C11orf58: variants seen among roughly 807,000 people sequenced by gnomAD.
The protein encoded by C11orf58 is chromosome 11 open reading frame 58.
C11orf58 carries 5 observed loss-of-function variants against 22.7 expected under a neutral mutation model. The ratio of observed to expected loss-of-function variants is 0.22; its 90% CI spans 0.12 to 0.46. C11orf58 has a LOEUF of 0.46. Ranked by LOEUF, C11orf58 falls within the 20% of genes least tolerant of loss-of-function variation. The pLI is 0.99. For missense variants in C11orf58, 151 were observed against 223.3 expected (o/e 0.68, Z 2.06); for synonymous variants, 71 against 70.7 (o/e 1.00, Z -0.02).
At chr11:16,745,598 AAGG>A in intron 2 of C11orf58, among the ~76,000 whole-genome samples, 1 of 152,306 alleles carries the variant, frequency 6.6e-6, no homozygotes, top group Middle Eastern at 3.4e-3. Context: ...GTGGGCTGAA[AAGG>A]AGGGATTGTC....
chr11:16,744,614 A>G lies in C11orf58; in HGVS notation c.77A>G (p.Asn26Ser), dbSNP rs2134069635. 4 of 1,613,916 alleles carry G rather than the reference A, an allele frequency of 2.5e-6. No homozygotes were observed. Among genetic ancestry groups the G allele is most frequent in the Middle Eastern group, 1.6e-4 (1 of 6,062 alleles). Residue 26 changes from asparagine (N) to serine (S), a missense_variant, in exon 2 of 5, where the codon AAT (asparagine) becomes AGT (serine). Transcript: ENST00000228136. The part of the protein sequence containing the change: ...ASPDDDLGSS[N>S]WEAADLGNEE... ...TTTTTTTTCTAGCTGGGATCTAGCA[A>G]TTGGGAGGCAGCAGACTTGGGTAAT...
In C11orf58 at chr11:16,749,726, T is replaced by G. The variant is rs117853582; in HGVS notation, c.208+1569T>G. 600 of 152,466 alleles carry G rather than the reference T, an allele frequency of 3.9e-3. 11 individuals are homozygous for G. The East Asian group carries it at 0.047, about 12-fold the overall frequency. 9.4% of individuals were successfully genotyped at this position (152,466 alleles called of 1,614,324 possible). ...TATGAGAATCTAATGCCTGATGATCTGAATTGGAGCTGAGGTGGTAATGGG... is the reference window on the plus strand; with the variant it reads ...TATGAGAATCTAATGCCTGATGATCGGAATTGGAGCTGAGGTGGTAATGGG... On this transcript the variant is annotated intron_variant, in intron 3 of 4. Transcript: ENST00000228136.
rs933590655 is a variant in C11orf58 at position 16,738,683 on chromosome 11, C to G, written c.-96C>G. The G allele has an allele frequency of 3.6e-6, 5 of 1,373,986 alleles. No homozygotes were observed. The African/African-American group carries it at 5.7e-5, about 16-fold the overall frequency. The allele number at this position is 1,373,986 out of a possible 1,614,324, so 85.1% of individuals were successfully genotyped here. A position where few individuals can be genotyped will look rare whatever the true frequency, so the allele number is the denominator to read the frequency against. On this transcript the variant is annotated 5_prime_UTR_variant, in exon 1 of 5. Transcript: ENST00000228136. ...GGAGGGGCTCTGCGTTCTGTAGTGG[C>G]GCTGCTTGGGCCCTTGGCGGATTGT...
intron 3 of C11orf58, chr11:16,749,854 G>A (rs574188234): frequency 3.5e-4 from 53 of 152,336 alleles, no homozygotes; most frequent in African/African-American, 1.3e-3. Flanking sequence ...CTCTCAGTGA[G>A]TGGCAAGTAA....
chr11:16,754,734 T>C (rs531347944), intron 4 of C11orf58, 137 bp from the exon 5 acceptor site: 12 of 1,399,054 alleles, frequency 8.6e-6, no homozygotes, highest in Non-Finnish European at 1.1e-5. Flanking sequence ...TTCTTAAAAT[T>C]CTACTCAAGT....
At chr11:16,753,011 T>A in intron 4 of C11orf58, 117 bp downstream of exon 4, 3 of 698,240 alleles carry the variant, frequency 4.3e-6, no homozygotes, top group Non-Finnish European at 4.7e-6. Flanking sequence ...CTGTATGTAG[T>A]TATCTTAAAA....
chr11:16,755,718 T>C lies in C11orf58; in HGVS notation c.*614T>C, dbSNP rs1461742524. ...GATCCCAAGTAGTCTTTTTATAATT[T>C]GGATTGTATCGTATGTTAGATTTTT... On this transcript the variant is annotated 3_prime_UTR_variant, in exon 5 of 5. Transcript: ENST00000228136. 1 of 152,690 alleles carries C rather than the reference T, an allele frequency of 6.5e-6. No individual in the cohort carries two copies. Among genetic ancestry groups the C allele is most frequent in the African/African-American group, 2.4e-5 (1 of 41,474 alleles). 9.5% of individuals were successfully genotyped at this position (152,690 alleles called of 1,614,324 possible).
intron 3 of C11orf58, 88 bp from the exon 4 acceptor site, chr11:16,752,697 G>T (rs957830777): frequency 2.5e-6 from 2 of 809,600 alleles, no homozygotes; most frequent in Non-Finnish European, 3.8e-6. Flanking sequence ...AGATAAATCA[G>T]CCCTGAGTAT....
rs764717874 is a variant in C11orf58, at chr11:16,738,795, A to G, written c.17A>G (p.Glu6Gly). The change falls in exon 1 of 5, where the codon GAG (glutamate) becomes GGG (glycine). Residue 6 changes from glutamate to glycine, a missense_variant. Glu to Gly is a moderately conservative substitution (Grantham distance 98, BLOSUM62 -2). Around this residue, in one of 3 missense-constraint regions of C11orf58, gnomAD observed 34 missense variants for 36.5 expected, o/e 0.93. Transcript: ENST00000228136. ...CCCGCAAGGATGAGTGCTGCCAGAGAGTCTCACCCGCATGGGGTGAAGCGT... is the reference window on the plus strand; with the variant it reads ...CCCGCAAGGATGAGTGCTGCCAGAGGGTCTCACCCGCATGGGGTGAAGCGT... MSAAR[E>G]SHPHGVKRSA... is the part of the protein sequence containing the mutation. 1.2e-6 allele frequency: 2 copies of G among 1,614,074 alleles called. No individual in the cohort carries two copies. The highest frequency in any genetic ancestry group is 4.5e-5 in the East Asian group (2 of 44,852).
intron 4 of C11orf58, among the ~76,000 whole-genome samples, 155 bp downstream of exon 4, chr11:16,753,049 T>C (rs926369211): frequency 6.6e-6 from 1 of 152,216 alleles, no homozygotes; most frequent in Non-Finnish European, 1.5e-5. Flanking sequence ...CTACTGGTCT[T>C]GTAGATAATC....
At position 16,754,895 on chromosome 11, in the gene C11orf58, G is replaced by A; in HGVS notation, c.343G>A (p.Asp115Asn). 1 of 1,614,046 alleles carries A rather than the reference G, an allele frequency of 6.2e-7. No homozygotes were observed. Among genetic ancestry groups the A allele is most frequent in the South Asian group, 1.1e-5 (1 of 91,072 alleles). The change falls in exon 5 of 5, where the codon GAT becomes AAT. Residue 115 changes from aspartate (D) to asparagine (N), a missense_variant. Coordinates refer to ENST00000228136, the MANE Select transcript of C11orf58 (RefSeq NM_014267.6). ...SEVEDHDGEG[D>N]VAGDDDDDDD... ...GGTAGAAGACCATGATGGAGAAGGT[G>A]ATGTGGCTGGAGATGATGATGATGA...
At chr11:16,741,601 G>A (rs73421149) in intron 1 of C11orf58, among the ~76,000 whole-genome samples, 3,452 of 152,320 alleles carry the variant, frequency 0.023, 137 homozygotes, top group African/African-American at 0.079. Flanking sequence ...CTGCACAGCA[G>A]GACGTGAGCT....
intron 2 of C11orf58, among the ~76,000 whole-genome samples, chr11:16,745,046 A>C (rs1420440415): frequency 1.3e-5 from 2 of 152,190 alleles, no homozygotes; most frequent in African/African-American, 4.8e-5. Context: ...GCCAAAGTGA[A>C]AAGGCTGTCA....
chr11:16,743,946 T>C (rs1354580034), intron 1 of C11orf58, among the ~76,000 whole-genome samples: 1 of 152,070 alleles, frequency 6.6e-6, no homozygotes, highest in African/African-American at 2.4e-5. Flanking sequence ...GCATGAGTTT[T>C]AGTCTGTTCT....
chr11:16,753,735 C>A, intron 4 of C11orf58: 1 of 393,888 alleles, frequency 2.5e-6, no homozygotes, highest in Non-Finnish European at 4.5e-6. Context: ...CATTAGAGTA[C>A]CTTTCTTTCC....
At chr11:16,748,713 C>T (rs569293253) in intron 3 of C11orf58, 1 of 151,698 alleles carries the variant, frequency 6.6e-6, no homozygotes, top group African/African-American at 2.4e-5. Flanking sequence ...CCATTGCACT[C>T]CAGCCTGAGT....
chr11:16,749,643 A>C (rs1367729209), intron 3 of C11orf58: 1 of 152,276 alleles, frequency 6.6e-6, no homozygotes, highest in African/African-American at 2.4e-5. Context: ...TTAAATTCTC[A>C]TAGGAGCATG....
intron 1 of C11orf58, among the ~76,000 whole-genome samples, chr11:16,743,579 G>A (rs1413892153): frequency 6.6e-6 from 1 of 152,056 alleles, no homozygotes; most frequent in African/African-American, 2.4e-5. Flanking sequence ...AATGCCTTCT[G>A]TCAGTTTTTT....
chr11:16,740,896 A>G (rs1413941097), intron 1 of C11orf58, among the ~76,000 whole-genome samples: 2 of 151,584 alleles, frequency 1.3e-5, no homozygotes, highest in African/African-American at 4.8e-5. Context: ...GATCCAAACC[A>G]TCCTGGCTAA....
Sources: allele counts gnomAD v4.1 joint callset (sites outside exome capture counted in the v4.1 genomes callset), GRCh38; gene constraint gnomAD v4.1.1; regional missense constraint gnomAD v4.1.1; transcripts MANE v1.5; gene names NCBI Gene and HGNC (gene_info 2026-07-23, HGNC 2026-07-21).